Variants in KIF26B observed in about 807,000 individuals in gnomAD.
KIF26B encodes the protein kinesin family member 26B.
KIF26B carries 63 observed loss-of-function variants against 151.2 expected under a neutral mutation model. The ratio of observed to expected loss-of-function variants is 0.42; its 90% CI spans 0.34 to 0.51. The LOEUF is 0.51. Among genes scored for constraint, KIF26B ranks in the 20% least tolerant of loss-of-function variants. The pLI, the probability that KIF26B is intolerant of heterozygous loss-of-function variation, is 0.07. For synonymous variants in KIF26B, 1,357 were observed against 1,262.1 expected, an observed-to-expected ratio of 1.08 and a Z score of -1.59; for missense variants, 2,813 against 2,913.6, an observed-to-expected ratio of 0.97 and a Z score of 0.79.
At chr1:245,366,227 T>C (rs1672946015) in intron 2 of KIF26B, among the ~76,000 whole-genome samples, 1 of 152,136 alleles carries the variant, frequency 6.6e-6, no homozygotes, top group Non-Finnish European at 1.5e-5. Context: ...AATTCTTCAG[T>C]GGATGTAAGA....
intron 4 of KIF26B, among the ~76,000 whole-genome samples, chr1:245,449,690 C>T (rs534629445): frequency 1.2e-4 from 18 of 152,256 alleles, no homozygotes; most frequent in African/African-American, 4.3e-4. Flanking sequence ...AATGGCTTTT[C>T]TATTTTAGTC....
intron 5 of KIF26B, among the ~76,000 whole-genome samples, chr1:245,547,889 T>C (rs1227786675): frequency 2.6e-5 from 4 of 151,952 alleles, no homozygotes; most frequent in Non-Finnish European, 4.4e-5. Context: ...TAGCCCAGAG[T>C]CTCCTATCTT....
chr1:245,225,920 G>T (rs1669864627), intron 2 of KIF26B: 1 of 152,176 alleles, frequency 6.6e-6, no homozygotes, highest in Non-Finnish European at 1.5e-5. Context: ...TGCACAGGGG[G>T]TTCAGGATTA....
chr1:245,199,266 C>T (rs1408289269), intron 2 of KIF26B, among the ~76,000 whole-genome samples: 4 of 152,062 alleles, frequency 2.6e-5, no homozygotes, highest in African/African-American at 9.7e-5. Context: ...CTCGTACCAA[C>T]AGAGGGCAAA....
At chr1:245,194,829 G>T (rs1669165359) in intron 2 of KIF26B, among the ~76,000 whole-genome samples, 1 of 152,202 alleles carries the variant, frequency 6.6e-6, no homozygotes, top group African/African-American at 2.4e-5. Flanking sequence ...GCCAAAATCT[G>T]TTGTAATAGA....
chr1:245,259,249 C>T (rs1558365109), intron 2 of KIF26B, among the ~76,000 whole-genome samples: 1 of 152,172 alleles, frequency 6.6e-6, no homozygotes, highest in Non-Finnish European at 1.5e-5. Flanking sequence ...TGGAGCTTAG[C>T]CCCAACAGTG....
In KIF26B at chr1:245,218,798, A is replaced by T. The variant is rs756468714; in HGVS notation, c.465+62115A>T. On this transcript the variant is annotated intron_variant, in intron 2 of 14. Transcript: ENST00000407071. This position sits in a 1 kb window ranked among gnomAD's most constrained non-coding sequence, Gnocchi z 4.1. ...TTAATAAACAGGATGAGCCTTTTTA[A>T]AAAAGGGAGCTTGGGGCAGAATGAA... Among the ~76,000 whole-genome samples, 1 of 152,186 alleles carries T rather than the reference A, an allele frequency of 6.6e-6. No individual in the cohort carries two copies. Among genetic ancestry groups the T allele is most frequent in the Non-Finnish European group, 1.5e-5 (1 of 68,034 alleles).
chr1:245,682,098 A>G (rs1572199656), intron 10 of KIF26B, among the ~76,000 whole-genome samples: 1 of 152,154 alleles, frequency 6.6e-6, no homozygotes, highest in African/African-American at 2.4e-5. Context: ...ACAAAAAATT[A>G]GCTGGGTGTG....
Position 245,375,042 on chromosome 1 carries a change from A to G in KIF26B, c.999+7675A>G, listed in dbSNP as rs1161937725. On this transcript the variant is annotated intron_variant, in intron 3 of 14. Transcript: ENST00000407071. This position sits in a 1 kb window ranked among gnomAD's most constrained non-coding sequence, Gnocchi z 4.2. The stretch of plus-strand genomic sequence containing the variant: ...TTACATGGTAAAAGGGCCTCAGCAG[A>G]TGTGATTAAGCCAAGGATCTTGAGA... Among the ~76,000 whole-genome samples, 1 of 152,172 alleles carries G rather than the reference A, an allele frequency of 6.6e-6. No individual in the cohort carries two copies. The highest frequency in any genetic ancestry group is 2.4e-5 in the African/African-American group (1 of 41,442).
chr1:245,684,154 T>A lies in KIF26B; in HGVS notation c.2259-79T>A, dbSNP rs188680496. The stretch of plus-strand genomic sequence containing the variant: ...ACCACCACCCACAACAAAATGGCCG[T>A]GTGCAGGCCTGAAGCCCTGCCCTGA... On this transcript the variant is annotated intron_variant, in intron 10 of 14. Coordinates refer to ENST00000407071, the MANE Select transcript of KIF26B (RefSeq NM_018012.4). The A allele has an allele frequency of 2.0e-4, 290 of 1,468,986 alleles. No individual in the cohort carries two copies. In the African/African-American group the frequency reaches 3.7e-3, roughly 19 times the overall value. 91.0% of individuals were successfully genotyped at this position (1,468,986 alleles called of 1,614,324 possible).
intron 4 of KIF26B, among the ~76,000 whole-genome samples, chr1:245,527,454 T>C (rs1224296320): frequency 6.7e-6 from 1 of 150,222 alleles, no homozygotes; most frequent in African/African-American, 2.4e-5. Flanking sequence ...CAGTTCACTA[T>C]CATTCATGTT....
intron 2 of KIF26B, among the ~76,000 whole-genome samples, chr1:245,235,059 C>T (rs746039509): frequency 6.6e-6 from 1 of 152,188 alleles, no homozygotes; most frequent in African/African-American, 2.4e-5. Flanking sequence ...CCTTCGGCCT[C>T]CTCCTCTGTC....
At chr1:245,222,525 A>G (rs1669795662) in intron 2 of KIF26B, among the ~76,000 whole-genome samples, 1 of 152,236 alleles carries the variant, frequency 6.6e-6, no homozygotes, top group Non-Finnish European at 1.5e-5. Context: ...AAAGAACTAG[A>G]AGAAAATATA....
chr1:245,329,247 A>T (rs552888368), intron 2 of KIF26B, among the ~76,000 whole-genome samples: 1 of 152,250 alleles, frequency 6.6e-6, no homozygotes, highest in South Asian at 2.1e-4. Context: ...TGGTCTCAGG[A>T]TTGGGCTGCG....
rs2042939963 is a variant in KIF26B, at chr1:245,560,821, G to A, written c.1350+19871G>A. On this transcript the variant is annotated intron_variant, in intron 5 of 14. Coordinates refer to ENST00000407071, the MANE Select transcript of KIF26B (RefSeq NM_018012.4). The surrounding 1 kb of genome is among the most constrained non-coding windows in gnomAD (Gnocchi z 4.3). ...CCTCACTCTCTGTCCCCACAGCACA[G>A]GGACAGCCTCCGCAGACTCCCGTGT... is the stretch of plus-strand genomic sequence containing the variant. 6.6e-6 allele frequency among the ~76,000 whole-genome samples: 1 copy of A among 152,182 alleles called. No individual in the cohort carries two copies. Among genetic ancestry groups the A allele is most frequent in the Admixed American group, 6.5e-5 (1 of 15,282 alleles).
chr1:245,337,420 G>C (rs1672256477), intron 2 of KIF26B, among the ~76,000 whole-genome samples: 3 of 151,970 alleles, frequency 2.0e-5, no homozygotes, highest in African/African-American at 7.2e-5. Flanking sequence ...GACTTCAAGT[G>C]ATCCATCCAC....
At chr1:245,485,471 C>T (rs1660260502) in intron 4 of KIF26B, among the ~76,000 whole-genome samples, 1 of 151,790 alleles carries the variant, frequency 6.6e-6, no homozygotes, top group South Asian at 2.1e-4. Context: ...GCAACCTCCA[C>T]CTCCCAGGCT....
chr1:245,445,502 G>A (rs1659229747), intron 4 of KIF26B, among the ~76,000 whole-genome samples: 1 of 152,220 alleles, frequency 6.6e-6, no homozygotes, highest in Non-Finnish European at 1.5e-5. Flanking sequence ...GTGTATGCAT[G>A]CATGTGCGCA....
intron 2 of KIF26B, among the ~76,000 whole-genome samples, chr1:245,362,139 C>T (rs1046333280): frequency 2.6e-5 from 4 of 151,352 alleles, no homozygotes; most frequent in Admixed American, 1.3e-4. Context: ...GTGAGAATGA[C>T]CCTCTGTGTC....
Sources: gnomAD v4.1 joint callset for allele counts (sites outside exome capture counted in the v4.1 genomes callset) on GRCh38, gnomAD v4.1.1 for gene constraint, Gnocchi (gnomAD v3.1) non-coding constraint, MANE v1.5 for transcripts, NCBI Gene and HGNC (gene_info 2026-07-23, HGNC 2026-07-21) for gene names.